The following ARAP2 variants were observed in gnomAD, a reference collection of about 807,000 sequenced individuals.
The protein encoded by ARAP2 is arf-GAP with Rho-GAP domain, ANK repeat and PH domain-containing protein 2.
ARAP2 carries 148 observed loss-of-function variants against 194.5 expected under a neutral mutation model. That is an observed-to-expected ratio of 0.76 (90% CI 0.67 to 0.87). The LOEUF is 0.87. ARAP2 is among the 40% of genes least tolerant of loss of function. ARAP2 has a pLI of 0.00. For missense variants in ARAP2, 2,128 were observed against 1,989.7 expected (o/e 1.07, Z -1.32); for synonymous variants, 695 against 683.5 (o/e 1.02, Z -0.26).
intron 9 of ARAP2, among the ~76,000 whole-genome samples, chr4:36,173,028 G>A (rs531098546): frequency 8.5e-5 from 13 of 152,112 alleles, no homozygotes; most frequent in African/African-American, 2.9e-4. Flanking sequence ...TGAGTCTCTT[G>A]TTATACCCTG....
At chr4:36,197,980 G>A (rs921438052) in intron 6 of ARAP2, among the ~76,000 whole-genome samples, 1 of 152,264 alleles carries the variant, frequency 6.6e-6, no homozygotes, top group African/African-American at 2.4e-5. Flanking sequence ...ATAACATGAT[G>A]AGAAGGCGAA....
At chr4:36,225,745 T>G (rs933751521) in intron 2 of ARAP2, among the ~76,000 whole-genome samples, 2 of 152,234 alleles carry the variant, frequency 1.3e-5, no homozygotes, top group South Asian at 4.1e-4. Context: ...AGGAAAAGAC[T>G]GCAAAGTCAA....
At position 36,121,195 on chromosome 4, in the gene ARAP2, T is replaced by A; in HGVS notation, c.3878A>T (p.Tyr1293Phe). 1.3e-6 allele frequency: 2 copies of A among 1,594,860 alleles called. No homozygotes were observed. Among genetic ancestry groups the A allele is most frequent in the Non-Finnish European group, 1.7e-6 (2 of 1,169,414 alleles). The stretch of plus-strand genomic sequence containing the variant: ...AATAATTACCTCAAATATTTCTACA[T>A]AATTATTAATTAGGTCCTCAATTAC... Reference protein sequence around the residue: ...VNVIEDLINNYVEIFEVKEDQ... With the variant: ...VNVIEDLINNFVEIFEVKEDQ... The change falls in exon 23 of 33, where the codon TAT becomes TTT. Residue 1293 changes from tyrosine to phenylalanine, a missense_variant. By Grantham distance (22) the Tyr-to-Phe change is conservative. Coordinates refer to ENST00000303965, the MANE Select transcript of ARAP2 (RefSeq NM_015230.4).
chr4:36,011,563 A>G (rs1714565746), intron 9 of ARAP2, among the ~76,000 whole-genome samples: 2 of 152,094 alleles, frequency 1.3e-5, no homozygotes, highest in African/African-American at 4.8e-5. Context: ...CACAGAGCAC[A>G]CTGATGGTTT....
intron 5 of ARAP2, among the ~76,000 whole-genome samples, chr4:36,212,029 C>T (rs1277323348): frequency 2.6e-5 from 1 of 38,334 alleles, no homozygotes. Flanking sequence ...ATATATTATA[C>T]TTGTAAAAGT....
At chr4:36,049,910 A>G (rs922497647) in intron 3 of ARAP2, among the ~76,000 whole-genome samples, 6 of 152,192 alleles carry the variant, frequency 3.9e-5, no homozygotes, top group Admixed American at 6.5e-5. Context: ...TTAAACATGC[A>G]TTATTAAAAT....
At chr4:36,170,915 T>C (rs1322452441) in intron 9 of ARAP2, among the ~76,000 whole-genome samples, 1 of 151,566 alleles carries the variant, frequency 6.6e-6, no homozygotes, top group Non-Finnish European at 1.5e-5. Context: ...AAAAATGAGA[T>C]AACAGAAAAA....
intron 26 of ARAP2, among the ~76,000 whole-genome samples, chr4:36,109,496 T>C (rs1349989515): frequency 6.6e-6 from 1 of 151,902 alleles, no homozygotes; most frequent in Admixed American, 6.6e-5. Flanking sequence ...AAATGAGTCA[T>C]CATAAAGCCA....
chr4:36,219,875 A>C (rs116600083), intron 2 of ARAP2, among the ~76,000 whole-genome samples: 1,684 of 152,290 alleles, frequency 0.011, 32 homozygotes, highest in African/African-American at 0.039. Context: ...TCTCAAAGTT[A>C]AGCAAAATGA....
intron 8 of ARAP2, among the ~76,000 whole-genome samples, chr4:36,186,399 C>T (rs1240631946): frequency 6.6e-6 from 1 of 152,156 alleles, no homozygotes; most frequent in East Asian, 1.9e-4. Flanking sequence ...ATCTTTGGGT[C>T]GGCTTTTACC....
At chr4:36,240,702 T>C (rs1753346059) in intron 1 of ARAP2, among the ~76,000 whole-genome samples, 1 of 152,230 alleles carries the variant, frequency 6.6e-6, no homozygotes, top group Admixed American at 6.5e-5. Context: ...TGGAGAATAA[T>C]GGAAATTTTA....
Position 36,239,558 on chromosome 4 carries a change from C to T in ARAP2, c.-160+4621G>A, listed in dbSNP as rs1753106340. On this transcript the variant is annotated intron_variant, in intron 1 of 32. Coordinates refer to ENST00000303965, the MANE Select transcript of ARAP2 (RefSeq NM_015230.4). ...ACAGACAAATACATGATTCCACTTACATAAGGTATCTACCGTAGTCAAATT... is the reference window on the plus strand; with the variant it reads ...ACAGACAAATACATGATTCCACTTATATAAGGTATCTACCGTAGTCAAATT... Among the ~76,000 whole-genome samples, 3 of 152,174 alleles carry T rather than the reference C, an allele frequency of 2.0e-5. No homozygotes were observed. The South Asian group carries it at 6.2e-4, about 31-fold the overall frequency.
At chr4:36,130,064 C>T (rs916050627) in intron 20 of ARAP2, among the ~76,000 whole-genome samples, 3 of 151,936 alleles carry the variant, frequency 2.0e-5, no homozygotes, top group African/African-American at 7.2e-5. Flanking sequence ...TACTGCATCA[C>T]ATAGATTCTT....
intron 28 of ARAP2, among the ~76,000 whole-genome samples, chr4:36,086,477 G>T (rs1362582201): frequency 6.6e-6 from 1 of 152,012 alleles, no homozygotes; most frequent in Non-Finnish European, 1.5e-5. Flanking sequence ...TTCCATTTCA[G>T]TTTTGAAACT....
chr4:36,195,003 C>T (rs1467868005), intron 6 of ARAP2, among the ~76,000 whole-genome samples: 1 of 150,446 alleles, frequency 6.6e-6, no homozygotes, highest in African/African-American at 2.4e-5. Context: ...ACAAAACATA[C>T]AGGAAAAAAA....
At position 36,136,812 on chromosome 4, in the gene ARAP2, T is replaced by C. The variant is rs1202919675; in HGVS notation, c.3264-3423A>G. ...GTGTGTGTGTGTGTGTGTGTGTGTG[T>C]GTGTGTGCGTGTCTGTGTATCTCAG... On this transcript the variant is annotated intron_variant, in intron 19 of 32. Transcript: ENST00000303965. Among the ~76,000 whole-genome samples, 141 of 130,474 alleles carry C rather than the reference T, an allele frequency of 1.1e-3. 1 individual carries two copies. In the South Asian group the frequency reaches 0.015, roughly 14 times the overall value. The allele number at this position is 130,474 out of a possible 152,430, so 85.6% of individuals were successfully genotyped here. A position where few individuals can be genotyped will look rare whatever the true frequency, so the allele number is the denominator to read the frequency against.
At chr4:36,103,814 A>G (rs907286925) in intron 27 of ARAP2, among the ~76,000 whole-genome samples, 2 of 151,964 alleles carry the variant, frequency 1.3e-5, no homozygotes, top group African/African-American at 4.8e-5. Flanking sequence ...ATATATTCTT[A>G]CTTATGTGTG....
At chr4:36,091,152 A>G (rs1713527679) in intron 28 of ARAP2, among the ~76,000 whole-genome samples, 1 of 152,142 alleles carries the variant, frequency 6.6e-6, no homozygotes, top group Non-Finnish European at 1.5e-5. Context: ...AAAAAATCAT[A>G]TATTATTTTT....
intron 31 of ARAP2, among the ~76,000 whole-genome samples, chr4:36,077,152 C>T (rs1356046024): frequency 6.6e-6 from 1 of 152,078 alleles, no homozygotes; most frequent in African/African-American, 2.4e-5. Flanking sequence ...TCCATCTTCC[C>T]TTCTCTGCCA....
Sources: gnomAD v4.1 joint callset for allele counts (sites outside exome capture counted in the v4.1 genomes callset) on GRCh38, gnomAD v4.1.1 for gene constraint, MANE v1.5 for transcripts, NCBI Gene and HGNC (gene_info 2026-07-23, HGNC 2026-07-21) for gene names.